Variants in SAFB2 observed in about 807,000 individuals in gnomAD.
SAFB2 encodes the protein scaffold attachment factor B2.
Under a neutral mutation model 100.6 loss-of-function variants are expected in SAFB2, and 32 were observed. The ratio of observed to expected loss-of-function variants is 0.32; its 90% confidence interval spans 0.24 to 0.43. The LOEUF is 0.43. Among genes scored for constraint, SAFB2 ranks in the 20% least tolerant of loss-of-function variants. SAFB2 has a pLI of 1.00. For synonymous variants in SAFB2, 500 were observed against 439.4 expected (o/e 1.14, Z -1.72); for missense variants, 1,185 against 1,163.4 (o/e 1.02, Z -0.27).
chr19:5,618,841 G>A (rs1179203282), intron 2 of SAFB2, among the ~76,000 whole-genome samples: 1 of 152,236 alleles, frequency 6.6e-6, no homozygotes, highest in East Asian at 1.9e-4. Flanking sequence ...TGGGGACACA[G>A]ATGTAAGAAA....
In SAFB2 at chr19:5,595,346, C is replaced by A. The variant is rs746156465; in HGVS notation, c.1919+15G>T. 2 of 1,606,516 alleles carry A rather than the reference C, an allele frequency of 1.2e-6. No homozygotes were observed. The highest frequency in any genetic ancestry group is 1.7e-6 in the Non-Finnish European group (2 of 1,179,674). ...AGGAAACCACCAGCCCACAGCCTCA[C>A]CCAGCTCCACTCACCGCCGCCTCTC... On this transcript the variant is annotated intron_variant, in intron 14 of 20. Transcript: ENST00000252542.
chr19:5,607,426 G>A (rs2052800134), intron 9 of SAFB2, among the ~76,000 whole-genome samples: 1 of 152,188 alleles, frequency 6.6e-6, no homozygotes, highest in Non-Finnish European at 1.5e-5. Flanking sequence ...GGAAATGCAA[G>A]TATATTCCCA....
intron 13 of SAFB2, among the ~76,000 whole-genome samples, chr19:5,597,437 T>C (rs1236630155): frequency 1.3e-5 from 2 of 151,484 alleles, no homozygotes; most frequent in South Asian, 4.2e-4. Flanking sequence ...AAAATATATG[T>C]AAAAGCGAAA....
chr19:5,607,073 A>G (rs1413853536), intron 9 of SAFB2, among the ~76,000 whole-genome samples: 1 of 152,202 alleles, frequency 6.6e-6, no homozygotes, highest in Non-Finnish European at 1.5e-5. Flanking sequence ...CATCCTGACT[A>G]ACACAGTGAA....
intron 13 of SAFB2, among the ~76,000 whole-genome samples, chr19:5,597,135 G>A (rs2052550495): frequency 1.3e-5 from 2 of 152,210 alleles, no homozygotes; most frequent in South Asian, 4.1e-4. Flanking sequence ...CAGCACAGCA[G>A]GCAACAGTGT....
chr19:5,622,411 G>C (rs1364046927), intron 1 of SAFB2, 119 bp downstream of exon 1: 2 of 1,057,472 alleles, frequency 1.9e-6, no homozygotes, highest in Admixed American at 7.1e-5. Context: ...CCTCGAACCG[G>C]GGTCGGCCAA....
In SAFB2 at chr19:5,616,217, T is replaced by C. The variant is rs1326108291; in HGVS notation, c.458A>G (p.Asp153Gly). Residue 153 changes from aspartate (D) to glycine (G), a missense_variant, in exon 4 of 21, where the codon GAC becomes GGC. By Grantham distance (94) the Asp-to-Gly change is moderately conservative (BLOSUM62 -1). Around this residue, in one of 3 missense-constraint regions of SAFB2, gnomAD observed 351 missense variants for 341.2 expected, o/e 1.03. Transcript: ENST00000252542. ...ATCACAAAAGGAATCGAGAAGGCCG[T>C]CCGTGCCATCCTCCCCAAAATCTGG... ...SAPDFGEDGT[D>G]GLLDSFCDSK... 1.2e-6 allele frequency: 2 copies of C among 1,614,196 alleles called. No homozygotes were observed. Among genetic ancestry groups the C allele is most frequent in the Non-Finnish European group, 1.7e-6 (2 of 1,180,028 alleles).
chr19:5,589,556 G>A (rs977835225), intron 18 of SAFB2, among the ~76,000 whole-genome samples: 2 of 152,108 alleles, frequency 1.3e-5, no homozygotes, highest in African/African-American at 2.4e-5. Context: ...AAGCAGGGCA[G>A]CAGCCGCAAA....
At chr19:5,607,992 C>A (rs1194393422) in intron 9 of SAFB2, among the ~76,000 whole-genome samples, 1 of 152,236 alleles carries the variant, frequency 6.6e-6, no homozygotes, top group African/African-American at 2.4e-5. Context: ...AAGTATATCT[C>A]TTCTGATGAC....
chr19:5,587,298 ACT>A lies in SAFB2; in HGVS notation c.2805_2806del (p.Arg935SerfsTer34), dbSNP rs1448118974. Reference sequence around the variant, plus strand: ...GGGGGGATGAGGGTGTGGGTGAGGGACTCTGCTGCCCCGGTCCTGGCTGGCCA... The same window carrying A: ...GGGGGGATGAGGGTGTGGGTGAGGGACTGCTGCCCCGGTCCTGGCTGGCCA... On this transcript the variant is annotated frameshift_variant, in exon 21 of 21. Transcript: ENST00000252542. LOFTEE classifies it high-confidence loss of function. The surrounding 1 kb of genome is among the most constrained non-coding windows in gnomAD (Gnocchi z 4.9). 2 of 1,610,210 alleles carry A rather than the reference ACT, an allele frequency of 1.2e-6. No homozygotes were observed. Among genetic ancestry groups the A allele is most frequent in the Non-Finnish European group, 1.7e-6 (2 of 1,179,104 alleles).
At chr19:5,609,228 C>T (rs761308707) in intron 9 of SAFB2, among the ~76,000 whole-genome samples, 1 of 151,290 alleles carries the variant, frequency 6.6e-6, no homozygotes, top group Non-Finnish European at 1.5e-5. Flanking sequence ...TTTTGAACCA[C>T]GATCATGTTC....
At chr19:5,590,144 A>T in intron 18 of SAFB2, 134 bp downstream of exon 18, 1 of 771,120 alleles carries the variant, frequency 1.3e-6, no homozygotes, top group Non-Finnish European at 1.9e-6. Context: ...GGGGTTTCAA[A>T]TGGCAGGACC....
chr19:5,605,629 A>C (rs1364835484), intron 9 of SAFB2, among the ~76,000 whole-genome samples: 7 of 152,214 alleles, frequency 4.6e-5, no homozygotes, highest in Admixed American at 4.6e-4. Flanking sequence ...TGACACAGAC[A>C]TGGACTGTCA....
chr19:5,605,051 G>C (rs757381039), intron 9 of SAFB2, 115 bp from the exon 10 acceptor site: 58 of 1,216,062 alleles, frequency 4.8e-5, no homozygotes, highest in Non-Finnish European at 6.2e-5. Context: ...CCATATGGTA[G>C]TTTTCCATTT....
intron 11 of SAFB2, among the ~76,000 whole-genome samples, chr19:5,602,132 T>G (rs1471240849): frequency 6.6e-6 from 1 of 151,968 alleles, no homozygotes; most frequent in African/African-American, 2.4e-5. Flanking sequence ...CAAAACAAAT[T>G]TTTAAATGCT....
In SAFB2 at chr19:5,615,040, A is replaced by C. The variant is rs748969046; in HGVS notation, c.543+1092T>G. 2.6e-5 allele frequency among the ~76,000 whole-genome samples: 4 copies of C among 152,066 alleles called. No individual in the cohort carries two copies. In the East Asian group the frequency reaches 7.8e-4, roughly 30 times the overall value. ...AGCTCAGCCAACATGATGAAACCCT[A>C]TCTCTACCAAAAATATAAAAAATTA... On this transcript the variant is annotated intron_variant, in intron 4 of 20. Transcript: ENST00000252542.
intron 8 of SAFB2, 102 bp downstream of exon 8, chr19:5,610,537 A>C (rs924113122): frequency 1.1e-6 from 1 of 886,258 alleles, no homozygotes. Flanking sequence ...GTAACCCATA[A>C]CAAAACAAAT....
intron 4 of SAFB2, 24 bp downstream of exon 4, chr19:5,616,108 C>T (rs2053024065): frequency 6.2e-7 from 1 of 1,611,772 alleles, no homozygotes; most frequent in South Asian, 1.1e-5. Flanking sequence ...TGGGCACATC[C>T]TGCCGTGTCT....
rs149716077 is a variant in SAFB2 at position 5,598,859 on chromosome 19, G to C, written c.1716C>G (p.Val572=). 5.0e-6 allele frequency: 8 copies of C among 1,613,974 alleles called. No homozygotes were observed. The African/African-American group carries it at 1.1e-4, about 22-fold the overall frequency. The change falls in exon 13 of 21, where the codon GTC becomes GTG. Residue 572 remains valine, a synonymous_variant. Transcript: ENST00000252542. Reference sequence around the variant, plus strand: ...GCTCTCCTTTCGATTTATCCATCACGACCGTCCGCTCCATTCCTCTGCTTC... The same window carrying C: ...GCTCTCCTTTCGATTTATCCATCACCACCGTCCGCTCCATTCCTCTGCTTC... The part of the protein sequence containing the change: ...KSGSRGMERT[V]VMDKSKGEPV...
Sources: gnomAD v4.1 joint callset for allele counts (sites outside exome capture counted in the v4.1 genomes callset) on GRCh38, gnomAD v4.1.1 for gene constraint, gnomAD v4.1.1 regional missense constraint, Gnocchi (gnomAD v3.1) non-coding constraint, MANE v1.5 for transcripts, NCBI Gene and HGNC (gene_info 2026-07-23, HGNC 2026-07-21) for gene names.